IRF2: variants seen among roughly 807,000 people sequenced by gnomAD.
IRF2 encodes interferon regulatory factor 2.
Under a neutral mutation model 40.6 loss-of-function variants are expected in IRF2, and 15 were observed. The observed-to-expected ratio is 0.37, with a 90% CI of 0.25 to 0.57. The LOEUF is 0.57. Ranked by LOEUF, IRF2 falls within the 20% of genes least tolerant of loss-of-function variation. The pLI is 0.77. For synonymous variants in IRF2, 151 were observed against 165.5 expected, an observed-to-expected ratio of 0.91 and a Z score of 0.67; for missense variants, 317 against 455.7, an observed-to-expected ratio of 0.70 and a Z score of 2.77.
At chr4:184,403,499 G>C (rs951358606) in intron 6 of IRF2, among the ~76,000 whole-genome samples, 7 of 152,102 alleles carry the variant, frequency 4.6e-5, no homozygotes, top group African/African-American at 1.2e-4. Flanking sequence ...CACCTCCCAA[G>C]ACCTCACAAC....
intron 2 of IRF2, chr4:184,428,698 C>T (rs1224399014): frequency 8.0e-6 from 4 of 502,008 alleles, no homozygotes; most frequent in Non-Finnish European, 1.6e-5. Context: ...ACTCTGGAGG[C>T]TGAGGTGGGA....
rs374359783 is a variant in IRF2 at position 184,426,964 on chromosome 4, G to A, written c.87+2014C>T. Among the ~76,000 whole-genome samples the A allele has an allele frequency of 1.2e-4, 19 of 152,156 alleles. No individual in the cohort carries two copies. In the East Asian group the frequency reaches 2.7e-3, roughly 22 times the overall value. On this transcript the variant is annotated intron_variant, in intron 2 of 8. Coordinates refer to ENST00000393593, the MANE Select transcript of IRF2 (RefSeq NM_002199.4). ...TTAACTGTACCTACCCCATGGTGGC[G>A]GAACGTGAGCTAATGCATGTACCTT...
At chr4:184,412,458 C>G (rs564077640) in intron 5 of IRF2, among the ~76,000 whole-genome samples, 1 of 152,316 alleles carries the variant, frequency 6.6e-6, no homozygotes, top group South Asian at 2.1e-4. Flanking sequence ...CAGCCCACCT[C>G]CCACCTTCCA....
intron 1 of IRF2, among the ~76,000 whole-genome samples, chr4:184,468,215 C>T (rs780578374): frequency 3.3e-5 from 5 of 152,154 alleles, no homozygotes; most frequent in African/African-American, 7.2e-5. Flanking sequence ...GGGCTGGGCG[C>T]GGTGGCTCAC....
intron 2 of IRF2, among the ~76,000 whole-genome samples, chr4:184,424,641 C>A (rs1737603905): frequency 6.6e-6 from 1 of 152,248 alleles, no homozygotes; most frequent in Admixed American, 6.5e-5. Context: ...AGGCCCTCAC[C>A]AGATGCAGCC....
chr4:184,396,085 C>T (rs553140170), intron 7 of IRF2, among the ~76,000 whole-genome samples: 66 of 152,356 alleles, frequency 4.3e-4, no homozygotes, highest in Non-Finnish European at 8.5e-4. Context: ...ATGCCTGCAG[C>T]AGCAGGCTAT....
chr4:184,439,024 A>T (rs1044438832), intron 1 of IRF2, among the ~76,000 whole-genome samples: 2 of 152,164 alleles, frequency 1.3e-5, no homozygotes, highest in African/African-American at 2.4e-5. Flanking sequence ...ATACGGAAAA[A>T]ACCATGCCTC....
chr4:184,449,713 G>T (rs1158961706), intron 1 of IRF2, among the ~76,000 whole-genome samples: 2 of 152,212 alleles, frequency 1.3e-5, no homozygotes, highest in African/African-American at 4.8e-5. Flanking sequence ...TGCTTTAAAT[G>T]ACTTTAGGTT....
At chr4:184,437,605 G>T (rs1348107556) in intron 1 of IRF2, among the ~76,000 whole-genome samples, 1 of 152,140 alleles carries the variant, frequency 6.6e-6, no homozygotes, top group Non-Finnish European at 1.5e-5. Flanking sequence ...AGTCACCCAC[G>T]CCTCTAGATG....
At chr4:184,466,964 A>G (rs1248095536) in intron 1 of IRF2, among the ~76,000 whole-genome samples, 3 of 152,192 alleles carry the variant, frequency 2.0e-5, no homozygotes, top group Admixed American at 6.5e-5. Context: ...TTATGGGGCC[A>G]CAGTCATGTG....
In IRF2 at chr4:184,449,767, T is replaced by C. The variant is rs72703794; in HGVS notation, c.-6-20697A>G. Among the ~76,000 whole-genome samples, 1,087 of 152,324 alleles carry C rather than the reference T, an allele frequency of 7.1e-3. 5 individuals carry two copies. The highest frequency in any genetic ancestry group is 0.01 in the Non-Finnish European group (695 of 68,016). On this transcript the variant is annotated intron_variant, in intron 1 of 8. Transcript: ENST00000393593. ...ATGTTGTTTATGTAGATCTTGTTTA[T>C]TTTATACATGGGAATTCACTAGAAA...
Position 184,388,685 on chromosome 4 carries a change from A to T in IRF2, c.*73T>A. The T allele has an allele frequency of 1.3e-6, 2 of 1,489,196 alleles. No individual in the cohort carries two copies. The highest frequency in any genetic ancestry group is 1.8e-6 in the Non-Finnish European group (2 of 1,097,558). 92.2% of individuals were successfully genotyped at this position (1,489,196 alleles called of 1,614,324 possible). A position where few individuals can be genotyped will look rare whatever the true frequency, so the allele number is the denominator to read the frequency against. ...TTTGTCTAAAATAGGTGTCAGAGAG[A>T]AAAAAATAAAATACAAACAAACAAC... On this transcript the variant is annotated 3_prime_UTR_variant, in exon 9 of 9. Coordinates refer to ENST00000393593, the MANE Select transcript of IRF2 (RefSeq NM_002199.4). This position sits in a 1 kb window ranked among gnomAD's most constrained non-coding sequence, Gnocchi z 4.6.
chr4:184,460,273 AG>A (rs1739087020), intron 1 of IRF2, among the ~76,000 whole-genome samples: 1 of 152,240 alleles, frequency 6.6e-6, no homozygotes, highest in Non-Finnish European at 1.5e-5. Context: ...AGACATCTCG[AG>A]TGGTCAGATT....
chr4:184,400,165 A>G (rs930531886), intron 6 of IRF2, among the ~76,000 whole-genome samples: 2 of 152,056 alleles, frequency 1.3e-5, no homozygotes, highest in Non-Finnish European at 2.9e-5. Flanking sequence ...ATCACGACCA[A>G]TCTCTCTCAC....
chr4:184,390,450 C>G (rs1446662201), intron 8 of IRF2, among the ~76,000 whole-genome samples: 1 of 152,208 alleles, frequency 6.6e-6, no homozygotes, highest in Non-Finnish European at 1.5e-5. Flanking sequence ...TTCCCTTTTC[C>G]TGCTATCACA....
chr4:184,464,008 A>C (rs1011604091), intron 1 of IRF2, among the ~76,000 whole-genome samples: 2 of 152,240 alleles, frequency 1.3e-5, no homozygotes, highest in African/African-American at 4.8e-5. Context: ...TAGGACACGA[A>C]GATAGGGAAT....
chr4:184,441,839 G>A (rs1012060340), intron 1 of IRF2, among the ~76,000 whole-genome samples: 12 of 152,290 alleles, frequency 7.9e-5, no homozygotes, highest in Non-Finnish European at 1.5e-4. Flanking sequence ...TGAAGAAACT[G>A]AGGCACGTAA....
chr4:184,400,130 CACT>C (rs758826128), intron 6 of IRF2, among the ~76,000 whole-genome samples: 81 of 152,186 alleles, frequency 5.3e-4, no homozygotes, highest in Non-Finnish European at 1.1e-3. Context: ...TACCTACCAC[CACT>C]GTCAAAACAC....
intron 1 of IRF2, among the ~76,000 whole-genome samples, chr4:184,430,934 A>G (rs1737855577): frequency 6.6e-6 from 1 of 152,112 alleles, no homozygotes; most frequent in South Asian, 2.1e-4. Context: ...GGGCTCAAGC[A>G]GTCCTCCCAC....
Sources: allele counts gnomAD v4.1 joint callset (sites outside exome capture counted in the v4.1 genomes callset), GRCh38; gene constraint gnomAD v4.1.1; non-coding constraint Gnocchi (gnomAD v3.1); transcripts MANE v1.5; gene names NCBI Gene and HGNC (gene_info 2026-07-23, HGNC 2026-07-21).